CACNA2D1: variants seen among roughly 807,000 people sequenced by gnomAD.
CACNA2D1 encodes calcium voltage-gated channel auxiliary subunit alpha2delta 1, also known as voltage-dependent calcium channel subunit alpha-2/delta-1.
A neutral mutation model predicts 171.5 loss-of-function variants in CACNA2D1; 53 were observed. The ratio of observed to expected loss-of-function variants is 0.31; its 90% CI spans 0.25 to 0.39. CACNA2D1 has a LOEUF of 0.39. Ranked by LOEUF, CACNA2D1 falls within the 10% of genes least tolerant of loss-of-function variation. The probability of loss-of-function intolerance (pLI) is 1.00; values close to 1 mark genes in which losing one functional copy is unlikely to be tolerated. For synonymous variants in CACNA2D1, 442 were observed against 443.1 expected (o/e 1.00, Z 0.03); for missense variants, 903 against 1,299.8 (o/e 0.69, Z 4.69).
intron 3 of CACNA2D1, among the ~76,000 whole-genome samples, chr7:82,297,538 T>C (rs919051380): frequency 2.6e-5 from 4 of 152,120 alleles, no homozygotes; most frequent in Admixed American, 2.6e-4. Context: ...ACATTCCTTT[T>C]CAAAAAAAAT....
intron 20 of CACNA2D1, among the ~76,000 whole-genome samples, chr7:81,992,990 T>C (rs1018381638): frequency 5.9e-5 from 9 of 152,182 alleles, no homozygotes; most frequent in African/African-American, 2.2e-4. Context: ...CCAGATTCAC[T>C]TGGGCATAAA....
At chr7:82,383,187 C>A (rs1223555215) in intron 1 of CACNA2D1, among the ~76,000 whole-genome samples, 2 of 152,186 alleles carry the variant, frequency 1.3e-5, no homozygotes, top group Non-Finnish European at 2.9e-5. Context: ...TCTGTCTGCA[C>A]TAGACAAGTT....
chr7:82,354,384 A>G (rs754870255), intron 1 of CACNA2D1, among the ~76,000 whole-genome samples: 3 of 152,140 alleles, frequency 2.0e-5, no homozygotes, highest in Non-Finnish European at 4.4e-5. Context: ...CCTCTATTCC[A>G]ACATGAGAAT....
intron 3 of CACNA2D1, among the ~76,000 whole-genome samples, chr7:82,194,407 A>T (rs2129192140): frequency 6.6e-6 from 1 of 152,186 alleles, no homozygotes; most frequent in East Asian, 1.9e-4. Flanking sequence ...AAAACAAAAC[A>T]AAAAAGTTTC....
At chr7:82,121,629 T>C (rs551220646) in intron 5 of CACNA2D1, among the ~76,000 whole-genome samples, 2 of 152,330 alleles carry the variant, frequency 1.3e-5, no homozygotes, top group East Asian at 3.9e-4. Context: ...GATGAATAGA[T>C]TTAGAAAGTG....
chr7:82,091,436 T>C (rs1007291034), intron 6 of CACNA2D1, among the ~76,000 whole-genome samples: 5 of 152,204 alleles, frequency 3.3e-5, no homozygotes, highest in African/African-American at 1.2e-4. Context: ...CCTATCACTT[T>C]AGTTTCCTGC....
rs538022458 is a variant in CACNA2D1 at position 82,348,684 on chromosome 7, C to G, written c.177+884G>C. On this transcript the variant is annotated intron_variant, in intron 2 of 38. Coordinates refer to ENST00000356860, the MANE Select transcript of CACNA2D1 (RefSeq NM_000722.4). The stretch of plus-strand genomic sequence containing the variant: ...TCTATTAATACATAAAGTAACCACA[C>G]ATTCCAGTTTCTCATATATATTTAC... 9.9e-5 allele frequency among the ~76,000 whole-genome samples: 15 copies of G among 152,262 alleles called. No individual in the cohort carries two copies. The East Asian group carries it at 2.7e-3, about 27-fold the overall frequency.
At chr7:82,292,175 C>T (rs1377947200) in intron 3 of CACNA2D1, among the ~76,000 whole-genome samples, 1 of 152,100 alleles carries the variant, frequency 6.6e-6, no homozygotes, top group Non-Finnish European at 1.5e-5. Context: ...TTATTGATTT[C>T]CCTGGAGTTA....
At chr7:82,346,534 C>G (rs985621417) in intron 2 of CACNA2D1, among the ~76,000 whole-genome samples, 3 of 146,934 alleles carry the variant, frequency 2.0e-5, no homozygotes, top group Non-Finnish European at 4.5e-5. Context: ...GTTAGAAGAC[C>G]ATGAAGAAAA....
chr7:82,121,233 A>G (rs764717023), intron 5 of CACNA2D1, among the ~76,000 whole-genome samples: 2 of 151,870 alleles, frequency 1.3e-5, no homozygotes, highest in East Asian at 1.9e-4. Context: ...TTTAATTTCT[A>G]TTGTTCAGAG....
At chr7:82,159,524 C>T (rs184620642) in intron 4 of CACNA2D1, among the ~76,000 whole-genome samples, 69 of 151,858 alleles carry the variant, frequency 4.5e-4, no homozygotes, top group Non-Finnish European at 7.4e-4. Flanking sequence ...ACTAACCAAA[C>T]ACATGAGATC....
At chr7:82,225,389 C>T (rs750507982) in intron 3 of CACNA2D1, among the ~76,000 whole-genome samples, 30 of 152,100 alleles carry the variant, frequency 2.0e-4, no homozygotes, top group Non-Finnish European at 3.8e-4. Context: ...CATTGAATTG[C>T]GGTGTTAAAT....
chr7:82,389,428 T>C (rs1824835310), intron 1 of CACNA2D1, among the ~76,000 whole-genome samples: 1 of 152,154 alleles, frequency 6.6e-6, no homozygotes, highest in Non-Finnish European at 1.5e-5. Flanking sequence ...ATTTACGTAT[T>C]ACGCATGCTC....
At chr7:82,282,658 T>C (rs546560550) in intron 3 of CACNA2D1, among the ~76,000 whole-genome samples, 21 of 149,350 alleles carry the variant, frequency 1.4e-4, no homozygotes, top group Middle Eastern at 6.8e-3. Flanking sequence ...GTTTTCATAA[T>C]TCCATTTTAT....
chr7:81,997,118 A>G (rs1426620347), intron 19 of CACNA2D1, 61 bp downstream of exon 19: 6 of 899,426 alleles, frequency 6.7e-6, no homozygotes, highest in Non-Finnish European at 9.5e-6. Flanking sequence ...AGATACTTGT[A>G]GAATGAGTGC....
intron 3 of CACNA2D1, among the ~76,000 whole-genome samples, chr7:82,299,388 C>T (rs187926004): frequency 1.2e-3 from 185 of 152,052 alleles, no homozygotes; most frequent in African/African-American, 4.3e-3. Flanking sequence ...TGGCTGGGTG[C>T]GGTGGCTCAC....
At chr7:82,027,487 C>A (rs1276233305) in intron 12 of CACNA2D1, among the ~76,000 whole-genome samples, 1 of 151,650 alleles carries the variant, frequency 6.6e-6, no homozygotes, top group East Asian at 1.9e-4. Flanking sequence ...TATCAATTAG[C>A]CTTTCTCAGT....
At chr7:82,312,096 CT>C (rs1291628199) in intron 3 of CACNA2D1, among the ~76,000 whole-genome samples, 1 of 152,142 alleles carries the variant, frequency 6.6e-6, no homozygotes, top group Admixed American at 6.5e-5. Flanking sequence ...GCAAAGTCAA[CT>C]TATGGCCTAT....
rs552662210 is a variant in CACNA2D1 at position 82,281,439 on chromosome 7, C to G, written c.294+53696G>C. On this transcript the variant is annotated intron_variant, in intron 3 of 38. Coordinates refer to ENST00000356860, the MANE Select transcript of CACNA2D1 (RefSeq NM_000722.4). ...AGAGACAGCCACAATGTCCACTACA[C>G]AAGACAATGTGGACATATAATTTTT... Among the ~76,000 whole-genome samples, 3 of 152,254 alleles carry G rather than the reference C, an allele frequency of 2.0e-5. No individual in the cohort carries two copies. The South Asian group carries it at 6.2e-4, about 32-fold the overall frequency.
Sources: gnomAD v4.1 joint callset for allele counts (sites outside exome capture counted in the v4.1 genomes callset) on GRCh38, gnomAD v4.1.1 for gene constraint, MANE v1.5 for transcripts, NCBI Gene and HGNC (gene_info 2026-07-23, HGNC 2026-07-21) for gene names.